The following PCDHGA6 variants were observed in gnomAD, a reference collection of about 807,000 sequenced individuals.
PCDHGA6 encodes the protein protocadherin gamma-A6.
PCDHGA6 carries 41 observed loss-of-function variants against 60.6 expected under a neutral mutation model. The observed-to-expected ratio is 0.68, with a 90% confidence interval of 0.53 to 0.88. The LOEUF (loss-of-function observed/expected upper bound fraction) is 0.88. PCDHGA6 is among the 40% of genes least tolerant of loss of function. The pLI is 0.00. For missense variants in PCDHGA6, 1,312 were observed against 1,203.0 expected, an observed-to-expected ratio of 1.09 and a Z score of -1.34; for synonymous variants, 594 against 524.4, an observed-to-expected ratio of 1.13 and a Z score of -1.81.
intron 1 of PCDHGA6, chr5:141,383,409 C>T (rs199780721): frequency 1.2e-6 from 2 of 1,614,010 alleles, no homozygotes; most frequent in Non-Finnish European, 1.7e-6. Flanking sequence ...TCCAGAGTTA[C>T]CAGCTCAGCC....
chr5:141,413,134 G>A, intron 1 of PCDHGA6: 1 of 1,543,438 alleles, frequency 6.5e-7, no homozygotes, highest in South Asian at 1.3e-5. Flanking sequence ...AACACACAAC[G>A]TGTCCAGTGA....
At chr5:141,400,776 G>GT (rs1167512157) in intron 1 of PCDHGA6, 4 of 557,602 alleles carry the variant, frequency 7.2e-6, no homozygotes, top group Non-Finnish European at 1.3e-5. Flanking sequence ...CATTTGGTGC[G>GT]TTTTTTTGTC....
chr5:141,415,704 T>C (rs1262137262), intron 1 of PCDHGA6: 1 of 1,344,464 alleles, frequency 7.4e-7, no homozygotes, highest in South Asian at 1.3e-5. Context: ...GTGTAAATGC[T>C]AAAACACTGA....
chr5:141,454,832 G>A (rs1311246854), intron 1 of PCDHGA6, among the ~76,000 whole-genome samples: 2 of 75,830 alleles, frequency 2.6e-5, no homozygotes, highest in African/African-American at 1.3e-4. Context: ...TTTTGAGACA[G>A]AGTCGCGCTC....
chr5:141,404,894 G>C (rs772084097), intron 1 of PCDHGA6: 1 of 1,613,878 alleles, frequency 6.2e-7, no homozygotes, highest in South Asian at 1.1e-5. Flanking sequence ...GGCTGTACAG[G>C]ACCATGGCCA....
chr5:141,388,469 A>G, intron 1 of PCDHGA6: 11 of 1,613,858 alleles, frequency 6.8e-6, no homozygotes, highest in Non-Finnish European at 8.5e-6. Context: ...CTGAGATGGT[A>G]TTGAAGACAC....
chr5:141,507,023 C>T (rs971356315), intron 3 of PCDHGA6: 16 of 152,348 alleles, frequency 1.1e-4, no homozygotes, highest in African/African-American at 2.4e-4. Flanking sequence ...AAGGCACTTG[C>T]CCCAGGGTCC....
intron 1 of PCDHGA6, chr5:141,410,258 G>T: frequency 6.2e-7 from 1 of 1,614,022 alleles, no homozygotes; most frequent in Non-Finnish European, 8.5e-7. Flanking sequence ...TGACCCCCAG[G>T]CTGAACTGCA....
At chr5:141,443,312 C>T (rs1296976995) in intron 1 of PCDHGA6, among the ~76,000 whole-genome samples, 2 of 115,698 alleles carry the variant, frequency 1.7e-5, no homozygotes, top group Non-Finnish European at 3.3e-5. Flanking sequence ...AAAAACCCAT[C>T]TCTACAAAAA....
At chr5:141,401,159 T>G (rs2094122338) in intron 1 of PCDHGA6, among the ~76,000 whole-genome samples, 1 of 152,076 alleles carries the variant, frequency 6.6e-6, no homozygotes, top group Admixed American at 6.6e-5. Context: ...CTGGGCAATA[T>G]GGTGAAAACC....
In PCDHGA6 at chr5:141,490,304, T is replaced by G. The variant is rs2099698490; in HGVS notation, c.2425-4503T>G. On this transcript the variant is annotated intron_variant, in intron 1 of 3. Coordinates refer to ENST00000517434, the MANE Select transcript of PCDHGA6 (RefSeq NM_018919.3). This position sits in a 1 kb window ranked among gnomAD's most constrained non-coding sequence, Gnocchi z 5.4. ...GCCCCAGAGGTGCTATTGGCCTCTT[T>G]GGCCAACCCTGTCCTAGAGAGCACA... 1.2e-6 allele frequency: 2 copies of G among 1,614,026 alleles called. No homozygotes were observed. The highest frequency in any genetic ancestry group is 1.7e-5 in the Admixed American group (1 of 60,010).
At chr5:141,395,135 C>A (rs2093181761) in intron 1 of PCDHGA6, 3 of 1,614,104 alleles carry the variant, frequency 1.9e-6, no homozygotes, top group Non-Finnish European at 2.5e-6. Flanking sequence ...CCCAGCCCAA[C>A]TACGCAGACA....
intron 1 of PCDHGA6, chr5:141,421,632 G>A (rs2096589368): frequency 6.2e-7 from 1 of 1,613,846 alleles, no homozygotes; most frequent in South Asian, 1.1e-5. Context: ...CCAGCTTCCA[G>A]GAGGACGAAG....
At position 141,476,140 on chromosome 5, in the gene PCDHGA6, C is replaced by A. The variant is rs1410430310; in HGVS notation, c.2425-18667C>A. On this transcript the variant is annotated intron_variant, in intron 1 of 3. Coordinates refer to ENST00000517434, the MANE Select transcript of PCDHGA6 (RefSeq NM_018919.3). The surrounding 1 kb of genome is among the most constrained non-coding windows in gnomAD (Gnocchi z 7.6). ...AGATGGTCCCAGAGGCCTGGAGGAG[C>A]GGACTGGTAAGCACCGGGAGGGTAG... 6 of 1,609,222 alleles carry A rather than the reference C, an allele frequency of 3.7e-6. No homozygotes were observed. The highest frequency in any genetic ancestry group is 5.1e-6 in the Non-Finnish European group (6 of 1,178,484).
rs1188707468 is a variant in PCDHGA6 at position 141,384,157 on chromosome 5, A to G, written c.2424+7650A>G. The G allele has an allele frequency of 8.7e-6, 14 of 1,613,580 alleles. No individual in the cohort carries two copies. The highest frequency in any genetic ancestry group is 1.1e-5 in the South Asian group (1 of 91,054). ...CCGGGAAACACTCTCTTTGTATAAC[A>G]TCACACTGAAAGCCACAGATGGTGG... On this transcript the variant is annotated intron_variant, in intron 1 of 3. Coordinates refer to ENST00000517434, the MANE Select transcript of PCDHGA6 (RefSeq NM_018919.3).
At position 141,389,543 on chromosome 5, in the gene PCDHGA6, C is replaced by A. The variant is rs550025687; in HGVS notation, c.2424+13036C>A. 5.6e-6 allele frequency: 9 copies of A among 1,613,282 alleles called. No individual in the cohort carries two copies. In the East Asian group the frequency reaches 6.7e-5, roughly 12 times the overall value. ...GCCTGCGCGTGTTAGTGGACGACCG[C>A]AACGACAATGCGCCACGGGTGCTGT... On this transcript the variant is annotated intron_variant, in intron 1 of 3. Transcript: ENST00000517434.
chr5:141,406,761 A>T (rs1327829124), intron 1 of PCDHGA6, among the ~76,000 whole-genome samples: 1 of 152,234 alleles, frequency 6.6e-6, no homozygotes. Flanking sequence ...ACAAGGAATT[A>T]AAAATATTTC....
Position 141,489,276 on chromosome 5 carries a change from AT to A in PCDHGA6, c.2425-5530del, listed in dbSNP as rs2099684949. 1.9e-6 allele frequency: 3 copies of A among 1,556,004 alleles called. No homozygotes were observed. Among genetic ancestry groups the A allele is most frequent in the Non-Finnish European group, 2.6e-6 (3 of 1,151,570 alleles). ...AGACACTCCCACAGCTCGCTGGGAA[AT>A]GGCAAGTGCTGTGCATGTTGTCCTT... On this transcript the variant is annotated intron_variant, in intron 1 of 3. Coordinates refer to ENST00000517434, the MANE Select transcript of PCDHGA6 (RefSeq NM_018919.3). This position sits in a 1 kb window ranked among gnomAD's most constrained non-coding sequence, Gnocchi z 4.5.
intron 1 of PCDHGA6, chr5:141,418,673 G>A (rs2096279740): frequency 5.0e-6 from 8 of 1,614,026 alleles, no homozygotes; most frequent in Non-Finnish European, 6.8e-6. Context: ...CCAGGACGAG[G>A]GCATCAACTC....
Sources: gnomAD v4.1 joint callset for allele counts (sites outside exome capture counted in the v4.1 genomes callset) on GRCh38, gnomAD v4.1.1 for gene constraint, Gnocchi (gnomAD v3.1) non-coding constraint, MANE v1.5 for transcripts, NCBI Gene and HGNC (gene_info 2026-07-23, HGNC 2026-07-21) for gene names.